The following SPIDR variants were observed in gnomAD, a reference collection of about 807,000 sequenced individuals.
SPIDR encodes DNA repair-scaffolding protein.
SPIDR carries 93 observed loss-of-function variants against 104.6 expected under a neutral mutation model. The observed-to-expected ratio is 0.89, with a 90% CI of 0.75 to 1.06. SPIDR has a LOEUF of 1.06. SPIDR is among the 50% of genes least tolerant of loss of function. The pLI is 0.00. For synonymous variants in SPIDR, 431 were observed against 416.9 expected, an observed-to-expected ratio of 1.03 and a Z score of -0.41; for missense variants, 1,154 against 1,111.2, an observed-to-expected ratio of 1.04 and a Z score of -0.55.
At chr8:47,497,365 GC>G (rs2079613975) in intron 8 of SPIDR, among the ~76,000 whole-genome samples, 1 of 152,004 alleles carries the variant, frequency 6.6e-6, no homozygotes, top group Non-Finnish European at 1.5e-5. Flanking sequence ...TCTAAGCACT[GC>G]TTTAGCTTGA....
intron 1 of SPIDR, among the ~76,000 whole-genome samples, chr8:47,261,971 A>G (rs1195839215): frequency 6.6e-6 from 1 of 152,216 alleles, no homozygotes; most frequent in Non-Finnish European, 1.5e-5. Context: ...CGTTTGACAC[A>G]TTCACCACCT....
intron 8 of SPIDR, among the ~76,000 whole-genome samples, chr8:47,564,136 T>C (rs1416999795): frequency 1.4e-5 from 2 of 145,570 alleles, no homozygotes; most frequent in Non-Finnish European, 3.0e-5. Context: ...TGGAGTGCAG[T>C]GGCACGATCT....
At chr8:47,578,573 T>C (rs1223492378) in intron 8 of SPIDR, among the ~76,000 whole-genome samples, 3 of 152,226 alleles carry the variant, frequency 2.0e-5, no homozygotes, top group Non-Finnish European at 4.4e-5. Context: ...ACTACTGACC[T>C]AGTAACAAGG....
intron 19 of SPIDR, among the ~76,000 whole-genome samples, chr8:47,731,028 C>T (rs547418185): frequency 1.3e-5 from 2 of 152,226 alleles, no homozygotes; most frequent in South Asian, 2.1e-4. Context: ...GAGGCCGAGG[C>T]GGGCGGATCA....
intron 8 of SPIDR, among the ~76,000 whole-genome samples, chr8:47,542,428 G>GGAAA (rs1455206763): frequency 6.6e-6 from 1 of 152,022 alleles, no homozygotes; most frequent in Admixed American, 6.6e-5. Context: ...TTCTGAAGGG[G>GGAAA]GAAAGCTGAC....
intron 10 of SPIDR, among the ~76,000 whole-genome samples, chr8:47,603,206 GA>G (rs2062512718): frequency 6.6e-6 from 1 of 150,406 alleles, no homozygotes; most frequent in Non-Finnish European, 1.5e-5. Flanking sequence ...AACTTATAAT[GA>G]AAACTGAGGC....
At chr8:47,331,965 C>CTTT (rs1183447584) in intron 5 of SPIDR, among the ~76,000 whole-genome samples, 705 of 32,588 alleles carry the variant, frequency 0.022, 14 homozygotes, top group Admixed American at 0.083. Flanking sequence ...TTTTTTTAAA[C>CTTT]TTTTTTTTTT....
chr8:47,260,982 G>C lies in SPIDR; in HGVS notation c.24G>C (p.Arg8=). 2.4e-6 allele frequency: 3 copies of C among 1,230,486 alleles called. No individual in the cohort carries two copies. The highest frequency in any genetic ancestry group is 3.0e-6 in the Non-Finnish European group (3 of 986,902). The allele number at this position is 1,230,486 out of a possible 1,614,324, so 76.2% of individuals were successfully genotyped here. A position where few individuals can be genotyped will look rare whatever the true frequency, so the allele number is the denominator to read the frequency against. Residue 8 remains arginine, a synonymous_variant, in exon 1 of 20, where the codon CGG becomes CGC. Transcript: ENST00000297423. The stretch of plus-strand genomic sequence containing the variant: ...AGATGCCCCGCGGCAGCCGCGCTCG[G>C]GGCTCTAAGGTAGGCTCTGGGGCGG... MPRGSRA[R]GSKRKRSWNT... is the part of the protein sequence containing the mutation.
intron 5 of SPIDR, among the ~76,000 whole-genome samples, chr8:47,299,113 A>G (rs2154245193): frequency 6.6e-6 from 1 of 152,158 alleles, no homozygotes; most frequent in South Asian, 2.1e-4. Context: ...ATTTGTTTGT[A>G]TCCTCTTTTA....
chr8:47,522,194 G>T (rs1012838224), intron 8 of SPIDR, among the ~76,000 whole-genome samples: 1 of 149,706 alleles, frequency 6.7e-6, no homozygotes, highest in Non-Finnish European at 1.5e-5. Context: ...AAAAAGAAAA[G>T]AAAAAAAGAA....
At chr8:47,493,038 A>AGAGAGTGTGT (rs1491386619) in intron 8 of SPIDR, among the ~76,000 whole-genome samples, 1 of 64,812 alleles carries the variant, frequency 1.5e-5, no homozygotes, top group Non-Finnish European at 2.9e-5. Flanking sequence ...AGAGAGAGAG[A>AGAGAGTGTGT]GTGAGTGTGT....
At chr8:47,357,515 C>A (rs141629401) in intron 5 of SPIDR, among the ~76,000 whole-genome samples, 1 of 152,314 alleles carries the variant, frequency 6.6e-6, no homozygotes, top group South Asian at 2.1e-4. Flanking sequence ...AGAAGAAATT[C>A]GCTCAAATCA....
chr8:47,559,703 G>A (rs983509664), intron 8 of SPIDR, among the ~76,000 whole-genome samples: 1 of 152,222 alleles, frequency 6.6e-6, no homozygotes, highest in African/African-American at 2.4e-5. Context: ...ACAAGGGGCA[G>A]TAGCATGTGG....
In SPIDR at chr8:47,729,026, GCAGTGCAGAGTGAAGGTCAAGGTAGGAGC is replaced by G; in HGVS notation, c.2533_2550+11del. The G allele has an allele frequency of 1.9e-6, 3 of 1,613,998 alleles. No individual in the cohort carries two copies. Among genetic ancestry groups the G allele is most frequent in the Non-Finnish European group, 2.5e-6 (3 of 1,180,028 alleles). On this transcript the variant is annotated splice_donor_variant and splice_donor_5th_base_variant and coding_sequence_variant and intron_variant, in exon 18 of 20. Transcript: ENST00000297423. LOFTEE classifies it high-confidence loss of function. Reference sequence around the variant, plus strand: ...TCTTCCTGGACTGCCGCTCAAGACCGCAGTGCAGAGTGAAGGTCAAGGTAGGAGCCAGGCCAGAGCACGCACGCACTCCT... The same window carrying G: ...TCTTCCTGGACTGCCGCTCAAGACCGCAGGCCAGAGCACGCACGCACTCCT...
chr8:47,534,721 A>G (rs2086614540), intron 8 of SPIDR, among the ~76,000 whole-genome samples: 1 of 151,708 alleles, frequency 6.6e-6, no homozygotes, highest in Admixed American at 6.6e-5. Context: ...CATACAAAAA[A>G]CCCCCATGAC....
intron 16 of SPIDR, among the ~76,000 whole-genome samples, chr8:47,719,889 TTC>T (rs1405603361): frequency 2.0e-5 from 3 of 152,214 alleles, no homozygotes; most frequent in Non-Finnish European, 4.4e-5. Flanking sequence ...GGAGCCAGCA[TTC>T]TCTGTTTGTG....
chr8:47,558,023 G>A (rs774820085), intron 8 of SPIDR, among the ~76,000 whole-genome samples: 5 of 152,138 alleles, frequency 3.3e-5, no homozygotes, highest in African/African-American at 1.2e-4. Flanking sequence ...GCAGCTGGAG[G>A]CCATTATTCT....
intron 5 of SPIDR, among the ~76,000 whole-genome samples, chr8:47,309,563 T>G (rs193210720): frequency 1.2e-4 from 18 of 152,346 alleles, no homozygotes; most frequent in African/African-American, 4.3e-4. Flanking sequence ...TGTCAGATTG[T>G]TCCTTTTCTT....
At chr8:47,702,083 TCTCTCTCTCTCTCTTACACACACACA>T (rs2080303541) in intron 14 of SPIDR, 68 bp downstream of exon 14, 81 of 325,212 alleles carry the variant, frequency 2.5e-4, no homozygotes, top group East Asian at 6.3e-4. Flanking sequence ...TCTCTCTCTC[TCTCTCTCTCTCTCTTACACACACACA>T]CACACACACA....
Sources: allele counts gnomAD v4.1 joint callset (sites outside exome capture counted in the v4.1 genomes callset), GRCh38; gene constraint gnomAD v4.1.1; transcripts MANE v1.5; gene names NCBI Gene and HGNC (gene_info 2026-07-23, HGNC 2026-07-21).